The following FAAH2 variants were observed in gnomAD, a reference collection of about 807,000 sequenced individuals.
FAAH2 encodes fatty acid amide hydrolase 2.
A neutral mutation model predicts 36.9 loss-of-function variants in FAAH2; 60 were observed. That is an observed-to-expected ratio of 1.63 (90% CI 1.32 to 2.02). The LOEUF (loss-of-function observed/expected upper bound fraction) is 2.02. FAAH2 is among the 30% of genes most tolerant of loss of function. The pLI, the probability that FAAH2 is intolerant of heterozygous loss-of-function variation, is 0.00. For synonymous variants in FAAH2, 214 were observed against 143.8 expected (o/e 1.49, Z -3.49); for missense variants, 689 against 397.5 (o/e 1.73, Z -6.23).
chrX:57,443,566 G>A (rs191150028), intron 8 of FAAH2, among the ~76,000 whole-genome samples: 3 of 111,792 alleles, frequency 2.7e-5, no homozygotes, highest in African/African-American at 9.7e-5. Context: ...TCCTCCTTTA[G>A]CTTGGAGAAG....
the FAAH2 span, among the ~76,000 whole-genome samples, chrX:57,166,650 G>A: frequency 5.3e-5 from 6 of 112,167 alleles, no homozygotes; most frequent in African/African-American, 9.7e-5. Flanking sequence ...TTGGTCACTG[G>A]GCTAGCATTT....
intron 7 of FAAH2, among the ~76,000 whole-genome samples, chrX:57,424,294 C>A (rs1324933275): frequency 8.9e-6 from 1 of 111,952 alleles, no homozygotes; most frequent in Non-Finnish European, 1.9e-5. Context: ...GAGCATAGAA[C>A]CCAGGCCACT....
At chrX:57,447,553 T>C (rs763540181) in intron 9 of FAAH2, among the ~76,000 whole-genome samples, 1 of 112,418 alleles carries the variant, frequency 8.9e-6, no homozygotes, top group Admixed American at 9.3e-5. Flanking sequence ...TCCTCTAAAA[T>C]CTGGGCAGAG....
At chrX:57,404,688 G>T (rs1249823743) in intron 7 of FAAH2, among the ~76,000 whole-genome samples, 2 of 111,696 alleles carry the variant, frequency 1.8e-5, no homozygotes, top group African/African-American at 6.5e-5. Context: ...CTTGGGAGAG[G>T]AAGTGAAGGT....
At position 57,307,177 on chromosome X, in the gene FAAH2, A is replaced by G. The variant is rs1186935550; in HGVS notation, c.276-3416A>G. Among the ~76,000 whole-genome samples, 5 of 104,120 alleles carry G rather than the reference A, an allele frequency of 4.8e-5. No homozygotes were observed. The East Asian group carries it at 1.5e-3, about 32-fold the overall frequency. The allele number at this position is 104,120 out of a possible 115,157, so 90.4% of individuals were successfully genotyped here. On this transcript the variant is annotated intron_variant, in intron 2 of 10. Coordinates refer to ENST00000374900, the MANE Select transcript of FAAH2 (RefSeq NM_174912.4). The stretch of plus-strand genomic sequence containing the variant: ...ATGAGCCATGTTTTCTCATCCCTTC[A>G]TCTTTCTATTCTCTCTGTTTGGGGT...
At chrX:57,476,175 G>C (rs370933493) in intron 10 of FAAH2, among the ~76,000 whole-genome samples, 1 of 111,057 alleles carries the variant, frequency 9.0e-6, no homozygotes, top group African/African-American at 3.3e-5. Flanking sequence ...TTTTCTACTT[G>C]AATACCCTTT....
At chrX:57,278,082 C>T in the FAAH2 span, among the ~76,000 whole-genome samples, 1 of 111,471 alleles carries the variant, frequency 9.0e-6, no homozygotes, top group South Asian at 3.8e-4. Flanking sequence ...TACTTAGTTT[C>T]CTATGGAACC....
chrX:57,223,021 C>A, the FAAH2 span, among the ~76,000 whole-genome samples: 2 of 112,051 alleles, frequency 1.8e-5, no homozygotes, highest in African/African-American at 3.2e-5. Context: ...AGCAGCCAGA[C>A]AACAAATCAA....
At chrX:57,219,980 C>T in the FAAH2 span, among the ~76,000 whole-genome samples, 1 of 103,042 alleles carries the variant, frequency 9.7e-6, no homozygotes. Context: ...CTTATTTAAG[C>T]AATTAATGCT....
chrX:57,261,139 T>C, the FAAH2 span, among the ~76,000 whole-genome samples: 1 of 111,511 alleles, frequency 9.0e-6, no homozygotes, highest in Non-Finnish European at 1.9e-5. Flanking sequence ...CACACAAATG[T>C]CCATCAACAG....
At chrX:57,165,482 T>C in the FAAH2 span, among the ~76,000 whole-genome samples, 3 of 109,880 alleles carry the variant, frequency 2.7e-5, no homozygotes, top group African/African-American at 1.0e-4. Context: ...TAGATGGGAA[T>C]TGAACAATGA....
intron 5 of FAAH2, among the ~76,000 whole-genome samples, chrX:57,361,667 AT>A (rs969826928): frequency 9.0e-6 from 1 of 111,099 alleles, no homozygotes; most frequent in African/African-American, 3.3e-5. Context: ...TTATATATAT[AT>A]TTTTTTAAAT....
intron 7 of FAAH2, among the ~76,000 whole-genome samples, chrX:57,411,682 C>T (rs1374636791): frequency 2.7e-5 from 3 of 111,684 alleles, no homozygotes; most frequent in Non-Finnish European, 5.6e-5. Flanking sequence ...CAGTATTCTG[C>T]ATGGCCGGGG....
chrX:57,246,433 T>G, the FAAH2 span, among the ~76,000 whole-genome samples: 30 of 111,607 alleles, frequency 2.7e-4, no homozygotes, highest in Non-Finnish European at 4.9e-4. Flanking sequence ...AAAAGAAATT[T>G]CAGGCCAATA....
chrX:57,440,283 G>T (rs1412148764), intron 8 of FAAH2, among the ~76,000 whole-genome samples: 1 of 111,433 alleles, frequency 9.0e-6, no homozygotes, highest in African/African-American at 3.3e-5. Flanking sequence ...TCGTTGAGAG[G>T]TGGTTTGTAG....
At chrX:57,139,850 G>A in the FAAH2 span, among the ~76,000 whole-genome samples, 22 of 111,519 alleles carry the variant, frequency 2.0e-4, no homozygotes, top group Admixed American at 6.7e-4. Flanking sequence ...TCCTTCTGTA[G>A]CTCCATATGA....
intron 7 of FAAH2, among the ~76,000 whole-genome samples, chrX:57,397,969 G>T (rs183427677): frequency 1.9e-5 from 2 of 104,561 alleles, no homozygotes; most frequent in Admixed American, 1.1e-4. Context: ...TTTTCTCTTT[G>T]CAATAGTTTG....
At chrX:57,306,603 T>C (rs1373037745) in intron 2 of FAAH2, among the ~76,000 whole-genome samples, 1 of 107,134 alleles carries the variant, frequency 9.3e-6, no homozygotes, top group Non-Finnish European at 1.9e-5. Flanking sequence ...CCAGTCCTTC[T>C]TTCTTTTAGT....
At chrX:57,370,652 C>T (rs188806715) in intron 5 of FAAH2, among the ~76,000 whole-genome samples, 8 of 112,235 alleles carry the variant, frequency 7.1e-5, no homozygotes, top group Non-Finnish European at 1.3e-4. Flanking sequence ...ACCAGTCCAT[C>T]GCCTGTTAGA....
Sources: allele counts gnomAD v4.1 joint callset (sites outside exome capture counted in the v4.1 genomes callset), GRCh38; gene constraint gnomAD v4.1.1; transcripts MANE v1.5; gene names NCBI Gene and HGNC (gene_info 2026-07-23, HGNC 2026-07-21).